The following SFMBT1 variants were observed in gnomAD, a reference collection of about 807,000 sequenced individuals.
SFMBT1 encodes the protein scm-like with four MBT domains protein 1.
SFMBT1 carries 32 observed loss-of-function variants against 108.7 expected under a neutral mutation model. The observed-to-expected ratio is 0.29, with a 90% CI of 0.22 to 0.40. The LOEUF (loss-of-function observed/expected upper bound fraction) is 0.40, where lower values mean the gene tolerates loss of function less well. Ranked by LOEUF, SFMBT1 falls within the 10% of genes least tolerant of loss-of-function variation. SFMBT1 has a pLI of 1.00. For synonymous variants in SFMBT1, 348 were observed against 369.5 expected, an observed-to-expected ratio of 0.94 and a Z score of 0.67; for missense variants, 816 against 1,059.6, an observed-to-expected ratio of 0.77 and a Z score of 3.19.
At position 52,942,310 on chromosome 3, in the gene SFMBT1, A is replaced by G. The variant is rs573377134; in HGVS notation, c.364+1043T>C. 2.0e-5 allele frequency among the ~76,000 whole-genome samples: 3 copies of G among 152,318 alleles called. No homozygotes were observed. The South Asian group carries it at 6.2e-4, about 32-fold the overall frequency. Reference sequence around the variant, plus strand: ...TTGAATAAAAGGGCATCATGTCTAAAACTGACTCTCATGTGGTTCATTAAA... The same window carrying G: ...TTGAATAAAAGGGCATCATGTCTAAGACTGACTCTCATGTGGTTCATTAAA... On this transcript the variant is annotated intron_variant, in intron 4 of 20. Transcript: ENST00000394752.
chr3:53,006,472 T>C (rs549301782), intron 1 of SFMBT1, among the ~76,000 whole-genome samples: 3 of 151,780 alleles, frequency 2.0e-5, no homozygotes, highest in Admixed American at 6.6e-5. Context: ...CTACTAAAAA[T>C]AGAAAAATCA....
At chr3:52,936,359 C>T (rs1305728906) in intron 4 of SFMBT1, among the ~76,000 whole-genome samples, 1 of 152,134 alleles carries the variant, frequency 6.6e-6, no homozygotes, top group Non-Finnish European at 1.5e-5. Context: ...TATTTACCAC[C>T]CTTTAAAATA....
At position 53,003,896 on chromosome 3, in the gene SFMBT1, AAT is replaced by A. The variant is rs1179909125; in HGVS notation, c.-130-34640_-130-34639del. 2.7e-5 allele frequency among the ~76,000 whole-genome samples: 4 copies of A among 150,244 alleles called. 1 individual carries two copies. The East Asian group carries it at 7.8e-4, about 29-fold the overall frequency. ...TTAGAAATCTTTCTGAGAAATCAAC[AAT>A]ACTTAACAAGTATGGAATGACTATA... On this transcript the variant is annotated intron_variant, in intron 1 of 20. Transcript: ENST00000394752.
intron 1 of SFMBT1, among the ~76,000 whole-genome samples, chr3:53,042,876 T>C (rs1260423754): frequency 1.3e-5 from 2 of 152,278 alleles, no homozygotes; most frequent in African/African-American, 2.4e-5. Flanking sequence ...TCTTGGCTAA[T>C]GAGGCTGTGA....
chr3:52,993,823 C>A (rs1046698164), intron 1 of SFMBT1, among the ~76,000 whole-genome samples: 1 of 150,026 alleles, frequency 6.7e-6, no homozygotes, highest in Non-Finnish European at 1.5e-5. Flanking sequence ...AAGGAAAGAA[C>A]AGAAAATCCT....
intron 15 of SFMBT1, 114 bp from the exon 16 acceptor site, chr3:52,912,761 C>T (rs1575367263): frequency 1.3e-6 from 1 of 755,452 alleles, no homozygotes; most frequent in Non-Finnish European, 2.2e-6. Flanking sequence ...AAATTCTAGT[C>T]ATATGAATTA....
chr3:52,947,559 T>C (rs556361225), intron 3 of SFMBT1, among the ~76,000 whole-genome samples: 6 of 152,284 alleles, frequency 3.9e-5, no homozygotes, highest in East Asian at 3.9e-4. Context: ...CTTAAGTTCC[T>C]TACCCATTTT....
In SFMBT1 at chr3:53,040,968, A is replaced by ATTTTTTT. The variant is rs57640588; in HGVS notation, c.-131+4841_-131+4847dup. ...TACAGGCATGCACCAAGACACCTGA[A>ATTTTTTT]TTTTTTTTTTTTTTTTTTTTTTTTT... On this transcript the variant is annotated intron_variant, in intron 1 of 20. Coordinates refer to ENST00000394752, the MANE Select transcript of SFMBT1 (RefSeq NM_016329.4). Among the ~76,000 whole-genome samples, 75 of 46,380 alleles carry ATTTTTTT rather than the reference A, an allele frequency of 1.6e-3. 6 individuals are homozygous for ATTTTTTT. The highest frequency in any genetic ancestry group is 2.1e-3 in the Non-Finnish European group (54 of 25,168). 30.4% of individuals were successfully genotyped at this position (46,380 alleles called of 152,430 possible).
At chr3:52,986,528 A>G (rs2581820) in intron 1 of SFMBT1, among the ~76,000 whole-genome samples, 98,918 of 151,408 alleles carry the variant, frequency 0.65, 33,493 homozygotes, top group Non-Finnish European at 0.75. Flanking sequence ...TACTTTGGGA[A>G]GCCGAGGTGG....
At chr3:52,998,070 A>G in intron 1 of SFMBT1, among the ~76,000 whole-genome samples, 1 of 150,726 alleles carries the variant, frequency 6.6e-6, no homozygotes, top group East Asian at 1.9e-4. Context: ...AAATTACAGC[A>G]TGTATAACAA....
intron 1 of SFMBT1, among the ~76,000 whole-genome samples, chr3:53,036,922 T>C (rs1166347749): frequency 6.6e-6 from 1 of 151,902 alleles, no homozygotes; most frequent in Non-Finnish European, 1.5e-5. Flanking sequence ...GCTCAAAGAT[T>C]AGACAGTGGG....
chr3:52,999,034 C>T (rs1698442933), intron 1 of SFMBT1, among the ~76,000 whole-genome samples: 1 of 150,788 alleles, frequency 6.6e-6, no homozygotes, highest in Non-Finnish European at 1.5e-5. Context: ...TCCTCTTACC[C>T]CTTGTCATCC....
intron 1 of SFMBT1, among the ~76,000 whole-genome samples, chr3:52,994,192 C>T (rs539092750): frequency 2.0e-5 from 3 of 150,630 alleles, no homozygotes; most frequent in Admixed American, 6.7e-5. Flanking sequence ...AAAGTCATTG[C>T]ATTTGTAACT....
chr3:52,905,424 C>CT, intron 20 of SFMBT1, 148 bp from the exon 21 acceptor site: 1 of 671,988 alleles, frequency 1.5e-6, no homozygotes, highest in Non-Finnish European at 2.4e-6. Flanking sequence ...CACACACTTC[C>CT]TTTTAAGTGA....
intron 1 of SFMBT1, among the ~76,000 whole-genome samples, chr3:53,029,168 T>C (rs1699597702): frequency 9.3e-6 from 1 of 107,308 alleles, no homozygotes; most frequent in South Asian, 3.7e-4. Context: ...CGAGACTCCG[T>C]CTCAAAAAAA....
Position 53,004,431 on chromosome 3 carries a change from C to T in SFMBT1, c.-130-35173G>A, listed in dbSNP as rs774490870. On this transcript the variant is annotated intron_variant, in intron 1 of 20. Coordinates refer to ENST00000394752, the MANE Select transcript of SFMBT1 (RefSeq NM_016329.4). The stretch of plus-strand genomic sequence containing the variant: ...GGAACTACAGGCATGTGCTACCATG[C>T]CCAGTTAATTTTTGAATTTTTAGTA... Among the ~76,000 whole-genome samples the T allele has an allele frequency of 3.7e-4, 56 of 149,514 alleles. 3 individuals are homozygous for T. The highest frequency in any genetic ancestry group is 5.4e-4 in the Admixed American group (8 of 14,746).
intron 1 of SFMBT1, among the ~76,000 whole-genome samples, chr3:53,022,523 C>T (rs1699350185): frequency 7.0e-6 from 1 of 142,260 alleles, no homozygotes; most frequent in South Asian, 2.2e-4. Flanking sequence ...AATAAATAAA[C>T]CAGAATGAAG....
At chr3:52,994,810 T>C (rs1193049367) in intron 1 of SFMBT1, among the ~76,000 whole-genome samples, 1 of 150,022 alleles carries the variant, frequency 6.7e-6, no homozygotes, top group Non-Finnish European at 1.5e-5. Flanking sequence ...TAGAGGAACA[T>C]GTTAACCACC....
intron 1 of SFMBT1, among the ~76,000 whole-genome samples, chr3:52,982,816 C>T (rs919555355): frequency 3.4e-5 from 5 of 147,524 alleles, no homozygotes; most frequent in South Asian, 2.1e-4. Flanking sequence ...TAACAGAAGA[C>T]GACTTGATGG....
Sources: gnomAD v4.1 joint callset for allele counts (sites outside exome capture counted in the v4.1 genomes callset) on GRCh38, gnomAD v4.1.1 for gene constraint, MANE v1.5 for transcripts, NCBI Gene and HGNC (gene_info 2026-07-23, HGNC 2026-07-21) for gene names.